Variants in SEMA6A observed in about 807,000 individuals in gnomAD.
SEMA6A encodes semaphorin 6A.
SEMA6A carries 25 observed loss-of-function variants against 96.8 expected under a neutral mutation model. The observed-to-expected ratio is 0.26, with a 90% CI of 0.19 to 0.36. The LOEUF (loss-of-function observed/expected upper bound fraction) is 0.36. Ranked by LOEUF, SEMA6A falls within the 10% of genes least tolerant of loss-of-function variation. The probability of loss-of-function intolerance (pLI) is 1.00; values close to 1 mark genes in which losing one functional copy is unlikely to be tolerated. For missense variants in SEMA6A, 1,363 were observed against 1,323.1 expected (o/e 1.03, Z -0.47); for synonymous variants, 612 against 518.0 (o/e 1.18, Z -2.46).
Position 116,465,912 on chromosome 5 carries a change from G to T in SEMA6A, c.1894+1671C>A, listed in dbSNP as rs541053474. On this transcript the variant is annotated intron_variant, in intron 18 of 18. Transcript: ENST00000343348. ...GAATACAGTCAGGACTAGCACATCT[G>T]AGGTCAGGAGCCACACATAACAAAT... Among the ~76,000 whole-genome samples the T allele has an allele frequency of 3.7e-4, 57 of 152,264 alleles. No homozygotes were observed. The South Asian group carries it at 0.012, about 31-fold the overall frequency.
At chr5:116,510,539 G>C (rs1758356998) in intron 1 of SEMA6A, among the ~76,000 whole-genome samples, 1 of 152,010 alleles carries the variant, frequency 6.6e-6, no homozygotes, top group South Asian at 2.1e-4. Flanking sequence ...TAGTGTCTTG[G>C]AGACTCTCCA....
chr5:116,532,078 C>T (rs1759503235), intron 1 of SEMA6A, among the ~76,000 whole-genome samples: 2 of 152,142 alleles, frequency 1.3e-5, no homozygotes, highest in South Asian at 2.1e-4. Context: ...ACAAGTCAAA[C>T]GCTTCTATAG....
intron 18 of SEMA6A, among the ~76,000 whole-genome samples, chr5:116,458,328 T>A (rs1380064275): frequency 3.3e-5 from 5 of 152,202 alleles, no homozygotes; most frequent in Non-Finnish European, 7.4e-5. Context: ...CTAGTCCCCG[T>A]AGTCCTTGAA....
chr5:116,448,233 G>A (rs984790116), intron 18 of SEMA6A, among the ~76,000 whole-genome samples: 1 of 151,378 alleles, frequency 6.6e-6, no homozygotes, highest in Non-Finnish European at 1.5e-5. Context: ...GTGATCCTAG[G>A]TACTCCGGAG....
intron 1 of SEMA6A, chr5:116,562,673 G>T: frequency 1.4e-6 from 1 of 712,552 alleles, no homozygotes; most frequent in South Asian, 1.4e-5. Context: ...ACCCTTCAAT[G>T]ACACTTTTGT....
At chr5:116,560,027 TGC>T (rs887300640) in intron 1 of SEMA6A, among the ~76,000 whole-genome samples, 17 of 152,168 alleles carry the variant, frequency 1.1e-4, no homozygotes, top group African/African-American at 4.1e-4. Context: ...CTTGTCCCTG[TGC>T]GTCAGTCACC....
chr5:116,530,390 G>A (rs1206432678), intron 1 of SEMA6A, among the ~76,000 whole-genome samples: 3 of 151,902 alleles, frequency 2.0e-5, no homozygotes, highest in African/African-American at 7.3e-5. Flanking sequence ...AAAATATCAC[G>A]GATTTCATAT....
At position 116,454,011 on chromosome 5, in the gene SEMA6A, C is replaced by G. The variant is rs866204291; in HGVS notation, c.1895-6200G>C. On this transcript the variant is annotated intron_variant, in intron 18 of 18. Coordinates refer to ENST00000343348, the MANE Select transcript of SEMA6A (RefSeq NM_020796.5). ...GACACAGGCAACCAGTAACCTAACTCGAAATGGTTAAGTGTGCACTTTCCC... is the reference window on the plus strand; with the variant it reads ...GACACAGGCAACCAGTAACCTAACTGGAAATGGTTAAGTGTGCACTTTCCC... 5.3e-5 allele frequency among the ~76,000 whole-genome samples: 8 copies of G among 152,290 alleles called. No homozygotes were observed. The South Asian group carries it at 1.5e-3, about 28-fold the overall frequency.
chr5:116,513,437 T>C (rs1758513864), intron 1 of SEMA6A, among the ~76,000 whole-genome samples: 1 of 152,122 alleles, frequency 6.6e-6, no homozygotes, highest in African/African-American at 2.4e-5. Flanking sequence ...AGGCAGCTAA[T>C]TTTTACCTCT....
Position 116,485,243 on chromosome 5 carries a change from A to G in SEMA6A, c.962+1506T>C, listed in dbSNP as rs529875855. On this transcript the variant is annotated intron_variant, in intron 10 of 18. Transcript: ENST00000343348. ...ATAATATTTAAGGGCTTACTACTAT[A>G]TTGTAATCACAAAGTAACCCACACC... Among the ~76,000 whole-genome samples, 5 of 152,312 alleles carry G rather than the reference A, an allele frequency of 3.3e-5. No individual in the cohort carries two copies. The East Asian group carries it at 7.7e-4, about 24-fold the overall frequency.
chr5:116,542,728 G>A (rs1561527826), intron 1 of SEMA6A, among the ~76,000 whole-genome samples: 1 of 152,184 alleles, frequency 6.6e-6, no homozygotes. Context: ...CTTAAACCCT[G>A]GTCAAGCTAG....
intron 1 of SEMA6A, among the ~76,000 whole-genome samples, chr5:116,546,021 T>C (rs56034926): frequency 0.013 from 2,023 of 152,310 alleles, 41 homozygotes; most frequent in African/African-American, 0.046. Flanking sequence ...ACAAGATGCT[T>C]CAGTAAAATA....
intron 7 of SEMA6A, among the ~76,000 whole-genome samples, chr5:116,489,579 C>A (rs1757235425): frequency 1.3e-5 from 2 of 152,230 alleles, no homozygotes; most frequent in Admixed American, 6.5e-5. Flanking sequence ...GTTCACTAAA[C>A]CCTCGCAATC....
At chr5:116,541,028 GTTC>G (rs937415515) in intron 1 of SEMA6A, among the ~76,000 whole-genome samples, 1 of 152,188 alleles carries the variant, frequency 6.6e-6, no homozygotes, top group Non-Finnish European at 1.5e-5. Context: ...GGGGGATATT[GTTC>G]TGCCGCACTT....
At chr5:116,516,778 C>T (rs1348784413) in intron 1 of SEMA6A, among the ~76,000 whole-genome samples, 1 of 152,126 alleles carries the variant, frequency 6.6e-6, no homozygotes, top group African/African-American at 2.4e-5. Flanking sequence ...AAATATGCTT[C>T]CTTAGAGCGA....
intron 18 of SEMA6A, among the ~76,000 whole-genome samples, chr5:116,466,059 TA>T (rs35801222): frequency 0.25 from 23,180 of 93,428 alleles, 2,288 homozygotes; most frequent in East Asian, 0.52. Flanking sequence ...AAAACCAGCT[TA>T]AAAAAAAAAA....
At chr5:116,484,069 A>G (rs1300056070) in intron 10 of SEMA6A, among the ~76,000 whole-genome samples, 9 of 149,316 alleles carry the variant, frequency 6.0e-5, no homozygotes, top group Admixed American at 4.7e-4. Flanking sequence ...GTCTGAAGAA[A>G]AAAAAAAAAA....
chr5:116,478,929 A>AGTGTGTGTGTGTGTGT (rs34260068), intron 12 of SEMA6A, among the ~76,000 whole-genome samples: 6 of 149,248 alleles, frequency 4.0e-5, no homozygotes, highest in African/African-American at 7.4e-5. Context: ...GGTGTGAGAG[A>AGTGTGTGTGTGTGTGT]GTGTGTGTGT....
intron 9 of SEMA6A, 82 bp from the exon 10 acceptor site, chr5:116,487,048 CAG>C: frequency 1.1e-6 from 1 of 919,244 alleles, no homozygotes; most frequent in South Asian, 1.6e-5. Context: ...TCCTTGAAAA[CAG>C]AAACAAAACA....
Sources: gnomAD v4.1 joint callset for allele counts (sites outside exome capture counted in the v4.1 genomes callset) on GRCh38, gnomAD v4.1.1 for gene constraint, MANE v1.5 for transcripts, NCBI Gene and HGNC (gene_info 2026-07-23, HGNC 2026-07-21) for gene names.